RFC3: variants seen among roughly 807,000 people sequenced by gnomAD.
The protein encoded by RFC3 is A1 38 kDa subunit.
In RFC3, 41 loss-of-function variants were observed where a neutral mutation model predicts 45.1. That is an observed-to-expected ratio of 0.91 (90% CI 0.71 to 1.18). The LOEUF (loss-of-function observed/expected upper bound fraction) is 1.18, where lower values mean the gene tolerates loss of function less well. Among genes scored for constraint, RFC3 ranks in the 50% most tolerant of loss-of-function variants. RFC3 has a pLI of 0.00. For synonymous variants in RFC3, 149 were observed against 144.0 expected, an observed-to-expected ratio of 1.03 and a Z score of -0.25; for missense variants, 423 against 428.1, an observed-to-expected ratio of 0.99 and a Z score of 0.10.
At chr13:33,848,817 T>A (rs2082257131) in intron 8 of RFC3, 1 of 152,192 alleles carries the variant, frequency 6.6e-6, no homozygotes, top group Non-Finnish European at 1.5e-5. Context: ...TAATTCTTCA[T>A]ACTCAACATG....
At chr13:33,918,764 C>T (rs1314173085) in intron 8 of RFC3, among the ~76,000 whole-genome samples, 2 of 152,124 alleles carry the variant, frequency 1.3e-5, no homozygotes, top group Admixed American at 6.5e-5. Context: ...TGACTTCATG[C>T]TGACTCAGCC....
chr13:33,917,055 A>G (rs1364500278), intron 8 of RFC3, among the ~76,000 whole-genome samples: 1 of 152,182 alleles, frequency 6.6e-6, no homozygotes, highest in Non-Finnish European at 1.5e-5. Flanking sequence ...AAAACTCAGA[A>G]AAGAAGGGTG....
At chr13:33,933,684 T>TA (rs1335723367) in intron 8 of RFC3, among the ~76,000 whole-genome samples, 2 of 151,966 alleles carry the variant, frequency 1.3e-5, no homozygotes, top group Admixed American at 6.6e-5. Context: ...GGGAGAAACT[T>TA]TTTTTCCCCT....
At chr13:33,944,510 C>G (rs2082943535) in intron 8 of RFC3, among the ~76,000 whole-genome samples, 1 of 152,068 alleles carries the variant, frequency 6.6e-6, no homozygotes, top group Admixed American at 6.6e-5. Context: ...TGTTTAAGCC[C>G]TAGAAACTGT....
intron 8 of RFC3, among the ~76,000 whole-genome samples, chr13:33,900,299 C>A (rs112664517): frequency 2.6e-5 from 4 of 151,726 alleles, no homozygotes; most frequent in African/African-American, 9.7e-5. Flanking sequence ...CTATAGTAAC[C>A]AAATCAGCAT....
rs78509463 is a variant in RFC3, at chr13:33,822,463, A to G, written c.225+1194A>G. 9.2e-3 allele frequency among the ~76,000 whole-genome samples: 1,405 copies of G among 152,338 alleles called. 28 individuals carry two copies. The highest frequency in any genetic ancestry group is 0.032 in the African/African-American group (1,331 of 41,572). ...CTAGCTAAAGTAATTATGAAAAAAGATTAGTGAAGTAGGGCTTGTGTTAAT... is the reference window on the plus strand; with the variant it reads ...CTAGCTAAAGTAATTATGAAAAAAGGTTAGTGAAGTAGGGCTTGTGTTAAT... On this transcript the variant is annotated intron_variant, in intron 2 of 8. Transcript: ENST00000380071.
intron 8 of RFC3, among the ~76,000 whole-genome samples, chr13:33,869,225 A>G (rs1384006926): frequency 6.6e-6 from 1 of 152,170 alleles, no homozygotes. Context: ...ATGACACAAT[A>G]TCCTTTTGGC....
chr13:33,958,583 GA>G (rs1487668140), intron 8 of RFC3, among the ~76,000 whole-genome samples: 2 of 152,214 alleles, frequency 1.3e-5, no homozygotes, highest in East Asian at 3.8e-4. Context: ...CATAGAGACG[GA>G]AAACAGAAGG....
chr13:33,846,374 GC>G (rs1483148760), intron 8 of RFC3: 1 of 152,280 alleles, frequency 6.6e-6, no homozygotes, highest in Non-Finnish European at 1.5e-5. Flanking sequence ...TTCCCTTCTG[GC>G]CCAGGGTGTG....
chr13:33,835,127 CAA>C lies in RFC3; in HGVS notation c.810-20_810-19del, dbSNP rs761165009. On this transcript the variant is annotated intron_variant, in intron 7 of 8. Coordinates refer to ENST00000380071, the MANE Select transcript of RFC3 (RefSeq NM_002915.4). ...ACCTCTTATTTTCTTCACAAAATACCAATTATTTTGTTTTATGTAGGCTCCTT... is the reference window on the plus strand; with the variant it reads ...ACCTCTTATTTTCTTCACAAAATACCTTATTTTGTTTTATGTAGGCTCCTT... 2.6e-6 allele frequency: 4 copies of C among 1,509,914 alleles called. No homozygotes were observed. The highest frequency in any genetic ancestry group is 3.6e-6 in the Non-Finnish European group (4 of 1,097,858). The allele number at this position is 1,509,914 out of a possible 1,614,324, so 93.5% of individuals were successfully genotyped here. A position where few individuals can be genotyped will look rare whatever the true frequency, so the allele number is the denominator to read the frequency against.
intron 8 of RFC3, among the ~76,000 whole-genome samples, chr13:33,880,526 T>C (rs772113803): frequency 1.3e-4 from 20 of 152,186 alleles, no homozygotes; most frequent in Non-Finnish European, 2.6e-4. Flanking sequence ...AAGGTAACTA[T>C]TAGCTACAGG....
intron 8 of RFC3, among the ~76,000 whole-genome samples, chr13:33,941,280 C>G (rs142294149): frequency 6.6e-6 from 1 of 152,130 alleles, no homozygotes; most frequent in Non-Finnish European, 1.5e-5. Context: ...TCTAATCACC[C>G]TTCAATGTGT....
intron 8 of RFC3, among the ~76,000 whole-genome samples, chr13:33,875,623 G>A (rs1441967789): frequency 1.3e-5 from 2 of 152,150 alleles, no homozygotes; most frequent in African/African-American, 2.4e-5. Flanking sequence ...TCACTCACTT[G>A]CCTACTTGAA....
chr13:33,880,761 T>A (rs1468867018), intron 8 of RFC3, among the ~76,000 whole-genome samples: 1 of 152,152 alleles, frequency 6.6e-6, no homozygotes, highest in Non-Finnish European at 1.5e-5. Context: ...CACATACAGA[T>A]GTGCACGCAT....
intron 8 of RFC3, among the ~76,000 whole-genome samples, chr13:33,934,667 G>C (rs547578285): frequency 3.9e-5 from 6 of 152,180 alleles, no homozygotes; most frequent in Non-Finnish European, 5.9e-5. Flanking sequence ...GCAGCCACCA[G>C]TCTTGCCTCT....
chr13:33,917,161 C>T (rs1164746859), intron 8 of RFC3, among the ~76,000 whole-genome samples: 1 of 152,108 alleles, frequency 6.6e-6, no homozygotes, highest in African/African-American at 2.4e-5. Context: ...GGCCTTGAGT[C>T]GTAAGACACT....
At chr13:33,920,126 G>C (rs1457678616) in intron 8 of RFC3, among the ~76,000 whole-genome samples, 1 of 152,114 alleles carries the variant, frequency 6.6e-6, no homozygotes, top group Non-Finnish European at 1.5e-5. Context: ...TGAAGGGAGA[G>C]AATGTTTGGC....
chr13:33,829,169 G>A (rs1462501899), intron 4 of RFC3, among the ~76,000 whole-genome samples: 1 of 152,126 alleles, frequency 6.6e-6, no homozygotes, highest in Non-Finnish European at 1.5e-5. Flanking sequence ...ATACAATATT[G>A]GATTCAGTTT....
intron 4 of RFC3, among the ~76,000 whole-genome samples, 167 bp downstream of exon 4, chr13:33,826,053 A>G (rs1252885710): frequency 6.6e-6 from 1 of 152,178 alleles, no homozygotes; most frequent in African/African-American, 2.4e-5. Flanking sequence ...TGTGCCATCC[A>G]TTTGATATTT....
Sources: gnomAD v4.1 joint callset for allele counts (sites outside exome capture counted in the v4.1 genomes callset) on GRCh38, gnomAD v4.1.1 for gene constraint, MANE v1.5 for transcripts, NCBI Gene and HGNC (gene_info 2026-07-23, HGNC 2026-07-21) for gene names.